The following CDH4 variants were observed in gnomAD, a reference collection of about 807,000 sequenced individuals.
CDH4 encodes the protein cadherin-4.
In CDH4, 33 loss-of-function variants were observed where a neutral mutation model predicts 86.0. The ratio of observed to expected loss-of-function variants is 0.38; its 90% CI spans 0.29 to 0.51. The LOEUF (loss-of-function observed/expected upper bound fraction) is 0.51. CDH4 is among the 20% of genes least tolerant of loss of function. The pLI, the probability that CDH4 is intolerant of heterozygous loss-of-function variation, is 0.86. For missense variants in CDH4, 1,114 were observed against 1,307.4 expected (o/e 0.85, Z 2.28); for synonymous variants, 555 against 549.4 (o/e 1.01, Z -0.14).
In CDH4 at chr20:61,844,689, G is replaced by C; in HGVS notation, c.598G>C (p.Asp200His). 6.2e-7 allele frequency: 1 copy of C among 1,612,560 alleles called. No individual in the cohort carries two copies. The highest frequency in any genetic ancestry group is 1.1e-5 in the South Asian group (1 of 90,920). The stretch of plus-strand genomic sequence containing the variant: ...TCAGATCCGGTCCGACAAAGACAAT[G>C]ACATCCCCATCCGGTACAGCATCAC... ...LVRIRSDKDN[D>H]IPIRYSITGV... The change falls in exon 5 of 16, where the codon GAC becomes CAC. Residue 200 changes from aspartate (D) to histidine (H), a missense_variant. Around this residue, in one of 3 missense-constraint regions of CDH4, gnomAD observed 705 missense variants for 914.1 expected, o/e 0.77. Transcript: ENST00000614565.
chr20:61,280,053 G>A (rs967574578), intron 2 of CDH4, among the ~76,000 whole-genome samples: 1 of 152,152 alleles, frequency 6.6e-6, no homozygotes, highest in Non-Finnish European at 1.5e-5. Flanking sequence ...GGGAATGGCT[G>A]TGAAGTGCGG....
chr20:61,403,700 T>C (rs1892320), intron 2 of CDH4, among the ~76,000 whole-genome samples: 70,930 of 152,000 alleles, frequency 0.47, 16,971 homozygotes, highest in African/African-American at 0.56. Flanking sequence ...TCTTGTGTTC[T>C]TGGGTCTGTA....
intron 8 of CDH4, among the ~76,000 whole-genome samples, chr20:61,899,080 A>C (rs887721310): frequency 2.0e-5 from 3 of 152,102 alleles, no homozygotes; most frequent in Admixed American, 6.5e-5. Context: ...GTGGATCACG[A>C]GGTCCGGAGT....
intron 1 of CDH4, among the ~76,000 whole-genome samples, chr20:61,253,913 C>A (rs1316143009): frequency 6.6e-6 from 1 of 152,202 alleles, no homozygotes; most frequent in Non-Finnish European, 1.5e-5. Flanking sequence ...CGCCGGGGAG[C>A]CAAGCACCGC....
chr20:61,748,666 A>G (rs376926489), intron 3 of CDH4, among the ~76,000 whole-genome samples: 1 of 152,252 alleles, frequency 6.6e-6, no homozygotes, highest in Non-Finnish European at 1.5e-5. Flanking sequence ...CAAAAACTGC[A>G]TAAACTTTGA....
At chr20:61,744,637 T>C (rs567910747) in intron 3 of CDH4, among the ~76,000 whole-genome samples, 1 of 152,164 alleles carries the variant, frequency 6.6e-6, no homozygotes, top group East Asian at 1.9e-4. Flanking sequence ...AAACATCTGC[T>C]GTTCAGGATC....
chr20:61,530,802 G>A lies in CDH4; in HGVS notation c.170-212761G>A, dbSNP rs1007464475. Among the ~76,000 whole-genome samples, 20 of 152,222 alleles carry A rather than the reference G, an allele frequency of 1.3e-4. 1 individual carries two copies. The highest frequency in any genetic ancestry group is 1.3e-3 in the Admixed American group (20 of 15,288). ...GTGAGGGCAGTCCTGCCCTCAGCCA[G>A]ATCCAGCATTAGAGACAAGTATCTC... is the stretch of plus-strand genomic sequence containing the variant. On this transcript the variant is annotated intron_variant, in intron 2 of 15. Transcript: ENST00000614565.
chr20:61,539,652 A>C (rs183006645), intron 2 of CDH4, among the ~76,000 whole-genome samples: 2 of 152,342 alleles, frequency 1.3e-5, no homozygotes, highest in African/African-American at 4.8e-5. Context: ...AGTTGAGCTC[A>C]AGCTGTTCAG....
At chr20:61,809,158 C>T (rs1473415544) in intron 4 of CDH4, among the ~76,000 whole-genome samples, 1 of 152,132 alleles carries the variant, frequency 6.6e-6, no homozygotes, top group Non-Finnish European at 1.5e-5. Flanking sequence ...GATCTGATTC[C>T]GCGAATCCGG....
intron 2 of CDH4, among the ~76,000 whole-genome samples, chr20:61,495,661 G>C (rs1289638620): frequency 6.6e-6 from 1 of 152,186 alleles, no homozygotes; most frequent in Non-Finnish European, 1.5e-5. Flanking sequence ...CCAGCACTTT[G>C]GGAGGCTGAG....
At chr20:61,578,856 G>A (rs1405729446) in intron 2 of CDH4, among the ~76,000 whole-genome samples, 1 of 151,306 alleles carries the variant, frequency 6.6e-6, no homozygotes, top group African/African-American at 2.5e-5. Flanking sequence ...GACAAGTCTA[G>A]ATCCTCCGGT....
intron 2 of CDH4, among the ~76,000 whole-genome samples, chr20:61,550,987 G>A (rs1304323173): frequency 6.6e-6 from 1 of 152,244 alleles, no homozygotes; most frequent in African/African-American, 2.4e-5. Flanking sequence ...CAGACAGTTG[G>A]TTGAAATCCC....
At chr20:61,495,702 A>C (rs1039426588) in intron 2 of CDH4, among the ~76,000 whole-genome samples, 2 of 152,082 alleles carry the variant, frequency 1.3e-5, no homozygotes, top group African/African-American at 2.4e-5. Flanking sequence ...CAGGAGTTCA[A>C]GACCACCCTG....
chr20:61,473,198 A>C (rs1463733660), intron 2 of CDH4, among the ~76,000 whole-genome samples: 2 of 152,256 alleles, frequency 1.3e-5, no homozygotes, highest in Non-Finnish European at 2.9e-5. Context: ...CCTCTTTAGC[A>C]TAGATAAGAA....
In CDH4 at chr20:61,464,755, C is replaced by T. The variant is rs189246337; in HGVS notation, c.169+209818C>T. On this transcript the variant is annotated intron_variant, in intron 2 of 15. Coordinates refer to ENST00000614565, the MANE Select transcript of CDH4 (RefSeq NM_001794.5). ...TGAGACACACTAGCAGAGCCCAGGT[C>T]CCCTCCTGAGCAAGAGTGGGCGCTC... is the stretch of plus-strand genomic sequence containing the variant. Among the ~76,000 whole-genome samples, 23 of 152,286 alleles carry T rather than the reference C, an allele frequency of 1.5e-4. No individual in the cohort carries two copies. In the East Asian group the frequency reaches 4.2e-3, roughly 28 times the overall value.
At chr20:61,932,769 C>T (rs2055129067) in intron 13 of CDH4, among the ~76,000 whole-genome samples, 1 of 152,252 alleles carries the variant, frequency 6.6e-6, no homozygotes, top group African/African-American at 2.4e-5. Context: ...TGCACACGCA[C>T]GTGGGCCGCA....
At chr20:61,287,050 G>A (rs1339199083) in intron 2 of CDH4, among the ~76,000 whole-genome samples, 3 of 152,176 alleles carry the variant, frequency 2.0e-5, no homozygotes, top group South Asian at 2.1e-4. Flanking sequence ...CAATGGCCAC[G>A]GACTCCAGGT....
intron 2 of CDH4, chr20:61,718,370 C>T (rs1165674091): frequency 5.9e-6 from 1 of 168,946 alleles, no homozygotes; most frequent in African/African-American, 2.4e-5. Context: ...GGAGCCTGGT[C>T]CCTCTGGGTG....
chr20:61,499,439 A>G, intron 2 of CDH4: 1 of 1,288,984 alleles, frequency 7.8e-7, no homozygotes, highest in Non-Finnish European at 1.0e-6. Context: ...GATTCGATGA[A>G]CGGCAGCTGT....
Sources: gnomAD v4.1 joint callset for allele counts (sites outside exome capture counted in the v4.1 genomes callset) on GRCh38, gnomAD v4.1.1 for gene constraint, gnomAD v4.1.1 regional missense constraint, MANE v1.5 for transcripts, NCBI Gene and HGNC (gene_info 2026-07-23, HGNC 2026-07-21) for gene names.